The following RPSA2 variants were observed in gnomAD, a reference collection of about 807,000 sequenced individuals.
RPSA2 encodes the protein ribosomal protein SA 2.
At chr19:23,807,888 C>G in the RPSA2 span, 1 of 392,516 alleles carries the variant, frequency 2.5e-6, no homozygotes, top group South Asian at 2.4e-5. Flanking sequence ...AGTGCCTGGA[C>G]ACTGCACAGC....
chr19:23,773,649 A>T, the RPSA2 span, among the ~76,000 whole-genome samples: 1 of 152,148 alleles, frequency 6.6e-6, no homozygotes, highest in Non-Finnish European at 1.5e-5. Flanking sequence ...ACATAAACAT[A>T]GCCTACTCTT....
chr19:23,828,690 A>G, the RPSA2 span, among the ~76,000 whole-genome samples: 2,327 of 151,500 alleles, frequency 0.015, 73 homozygotes, highest in African/African-American at 0.053. Flanking sequence ...TTCAAGGGAA[A>G]TGTTGTATGA....
chr19:23,829,572 A>G, the RPSA2 span, among the ~76,000 whole-genome samples: 12 of 152,376 alleles, frequency 7.9e-5, no homozygotes, highest in African/African-American at 2.9e-4. Flanking sequence ...AAGTGCTGGA[A>G]TTACAGGCAT....
At chr19:23,836,871 T>C in the RPSA2 span, among the ~76,000 whole-genome samples, 1 of 152,186 alleles carries the variant, frequency 6.6e-6, no homozygotes, top group African/African-American at 2.4e-5. Flanking sequence ...CATTACAGAT[T>C]CTGTATATTA....
the RPSA2 span, among the ~76,000 whole-genome samples, chr19:23,830,324 T>C: frequency 6.6e-6 from 1 of 152,186 alleles, no homozygotes; most frequent in Non-Finnish European, 1.5e-5. Context: ...TTTGTCGTTT[T>C]GGTAGAGACA....
At chr19:23,814,176 C>A in the RPSA2 span, among the ~76,000 whole-genome samples, 1 of 147,460 alleles carries the variant, frequency 6.8e-6, no homozygotes, top group Non-Finnish European at 1.5e-5. Context: ...CATGCCACTG[C>A]ATTCCAGCCT....
the RPSA2 span, among the ~76,000 whole-genome samples, chr19:23,806,784 CAA>C: frequency 0.015 from 1,088 of 71,302 alleles, 3 homozygotes; most frequent in African/African-American, 0.051. Context: ...GACTGAGTCT[CAA>C]AAAAAAAAAA....
At chr19:23,779,030 T>C in the RPSA2 span, among the ~76,000 whole-genome samples, 2 of 118,854 alleles carry the variant, frequency 1.7e-5, no homozygotes, top group Non-Finnish European at 3.3e-5. Flanking sequence ...AGACGGAGTC[T>C]CGCTCTGTCG....
the RPSA2 span, among the ~76,000 whole-genome samples, chr19:23,839,339 G>A: frequency 4.3e-4 from 65 of 152,086 alleles, no homozygotes; most frequent in East Asian, 4.5e-3. Flanking sequence ...TTATTGAGGC[G>A]CGTTATGATT....
At chr19:23,814,307 A>G in the RPSA2 span, among the ~76,000 whole-genome samples, 2 of 151,950 alleles carry the variant, frequency 1.3e-5, no homozygotes, top group East Asian at 3.9e-4. Context: ...TTTTATCAGT[A>G]TTGATATTCA....
At chr19:23,810,618 T>C in the RPSA2 span, among the ~76,000 whole-genome samples, 1 of 152,056 alleles carries the variant, frequency 6.6e-6, no homozygotes, top group Non-Finnish European at 1.5e-5. Context: ...CAGGTCACTT[T>C]GGGTTTCTAC....
At chr19:23,853,246 G>A in the RPSA2 span, among the ~76,000 whole-genome samples, 2 of 152,242 alleles carry the variant, frequency 1.3e-5, no homozygotes, top group African/African-American at 2.4e-5. Flanking sequence ...ACTATGAGAG[G>A]CCAATTCTTA....
At chr19:23,831,785 A>C in the RPSA2 span, 1 of 292,498 alleles carries the variant, frequency 3.4e-6, no homozygotes, top group Non-Finnish European at 7.2e-6. Flanking sequence ...GTGTTTCACA[A>C]CTACTCAGAG....
chr19:23,790,157 C>T, the RPSA2 span, among the ~76,000 whole-genome samples: 1 of 152,158 alleles, frequency 6.6e-6, no homozygotes, highest in East Asian at 1.9e-4. Context: ...CGCCACTGTG[C>T]CCGGCTACTT....
chr19:23,846,314 A>G, the RPSA2 span, among the ~76,000 whole-genome samples: 2 of 40,784 alleles, frequency 4.9e-5, no homozygotes, highest in Non-Finnish European at 1.0e-4. Context: ...TTTATATTCA[A>G]GATTATATTA....
chr19:23,839,771 G>A, the RPSA2 span, among the ~76,000 whole-genome samples: 2 of 152,262 alleles, frequency 1.3e-5, no homozygotes, highest in East Asian at 1.9e-4. Context: ...GATTCAGCGA[G>A]CTCCCAGGGC....
chr19:23,775,101 ACT>A, the RPSA2 span, among the ~76,000 whole-genome samples: 30 of 152,306 alleles, frequency 2.0e-4, no homozygotes, highest in African/African-American at 7.2e-4. Context: ...AGAGAATTAC[ACT>A]CTCACATATT....
At chr19:23,826,923 C>T in the RPSA2 span, 1 of 515,928 alleles carries the variant, frequency 1.9e-6, no homozygotes, top group Admixed American at 3.2e-5. Flanking sequence ...AACTCCTTAC[C>T]TTGTGATCTG....
the RPSA2 span, among the ~76,000 whole-genome samples, chr19:23,766,009 TA>T: frequency 6.6e-6 from 1 of 152,020 alleles, no homozygotes; most frequent in African/African-American, 2.4e-5. Context: ...TGTAAGGTAA[TA>T]GTGATCAATT....
Sources: gnomAD v4.1 joint callset for allele counts (sites outside exome capture counted in the v4.1 genomes callset) on GRCh38, gnomAD v4.1.1 for gene constraint, MANE v1.5 for transcripts, NCBI Gene and HGNC (gene_info 2026-07-23, HGNC 2026-07-21) for gene names.